The following ZNF407 variants were observed in gnomAD, a reference collection of about 807,000 sequenced individuals.
ZNF407 encodes the protein zinc finger protein 407.
A neutral mutation model predicts 131.2 loss-of-function variants in ZNF407; 17 were observed. The ratio of observed to expected loss-of-function variants is 0.13; its 90% confidence interval spans 0.09 to 0.19. The LOEUF is 0.19. Among genes scored for constraint, ZNF407 ranks in the 10% least tolerant of loss-of-function variants. The probability of loss-of-function intolerance (pLI) is 1.00; values close to 1 mark genes in which losing one functional copy is unlikely to be tolerated. For missense variants in ZNF407, 2,681 were observed against 2,830.6 expected (o/e 0.95, Z 1.20); for synonymous variants, 1,156 against 1,062.0 (o/e 1.09, Z -1.72).
intron 8 of ZNF407, among the ~76,000 whole-genome samples, chr18:74,955,557 C>T (rs1215817109): frequency 6.6e-6 from 1 of 152,056 alleles, no homozygotes; most frequent in Non-Finnish European, 1.5e-5. Flanking sequence ...TGTCTTTACT[C>T]CAAAGCAAGT....
intron 8 of ZNF407, among the ~76,000 whole-genome samples, chr18:74,997,742 TG>T (rs1176649706): frequency 3.9e-5 from 6 of 152,322 alleles, no homozygotes; most frequent in South Asian, 2.1e-4. Flanking sequence ...ATTTGTTTCA[TG>T]GTGAAAAGTG....
At chr18:74,643,650 A>G (rs1308362866) in intron 3 of ZNF407, among the ~76,000 whole-genome samples, 1 of 152,026 alleles carries the variant, frequency 6.6e-6, no homozygotes, top group Admixed American at 6.6e-5. Flanking sequence ...CTAATACTTT[A>G]TGGTGAAATT....
chr18:74,780,728 C>T (rs568825322), intron 3 of ZNF407, among the ~76,000 whole-genome samples: 181 of 152,130 alleles, frequency 1.2e-3, no homozygotes, highest in African/African-American at 3.9e-3. Context: ...AATCGCATGA[C>T]GTAAATAAAT....
intron 8 of ZNF407, among the ~76,000 whole-genome samples, chr18:74,924,535 GT>G (rs1227734729): frequency 6.6e-6 from 1 of 152,116 alleles, no homozygotes; most frequent in Non-Finnish European, 1.5e-5. Context: ...GATCTCTTCA[GT>G]TTTAACAATT....
intron 3 of ZNF407, among the ~76,000 whole-genome samples, chr18:74,768,441 C>G (rs1457489094): frequency 6.6e-6 from 1 of 152,158 alleles, no homozygotes; most frequent in East Asian, 1.9e-4. Context: ...GTGGAAATCC[C>G]TTTTTTGGTG....
At chr18:74,921,421 T>C (rs1009522480) in intron 8 of ZNF407, among the ~76,000 whole-genome samples, 4 of 152,156 alleles carry the variant, frequency 2.6e-5, no homozygotes, top group Non-Finnish European at 5.9e-5. Flanking sequence ...GAGGACCTCT[T>C]TGAGGAGTAA....
At chr18:74,980,967 A>G (rs1972585883) in intron 8 of ZNF407, among the ~76,000 whole-genome samples, 1 of 152,194 alleles carries the variant, frequency 6.6e-6, no homozygotes, top group Admixed American at 6.5e-5. Flanking sequence ...TTGTGATTTC[A>G]GGGTATCACA....
At chr18:75,045,101 T>G (rs1199373939) in intron 8 of ZNF407, among the ~76,000 whole-genome samples, 11 of 139,222 alleles carry the variant, frequency 7.9e-5, no homozygotes, top group East Asian at 2.1e-4. Flanking sequence ...GTGGGTGGGG[T>G]GTGTGTGCTT....
At chr18:74,736,314 A>T (rs949835283) in intron 3 of ZNF407, among the ~76,000 whole-genome samples, 2 of 152,182 alleles carry the variant, frequency 1.3e-5, no homozygotes, top group African/African-American at 4.8e-5. Context: ...TAAAGATAGG[A>T]TTAGAATAAT....
chr18:74,856,325 A>G (rs17055756), intron 4 of ZNF407, among the ~76,000 whole-genome samples: 19,496 of 152,304 alleles, frequency 0.13, 1,333 homozygotes, highest in Middle Eastern at 0.26. Context: ...CTCGGCCCCA[A>G]TTCAAATTAA....
chr18:74,890,144 A>G, intron 7 of ZNF407, 106 bp downstream of exon 7: 1 of 1,268,570 alleles, frequency 7.9e-7, no homozygotes, highest in Non-Finnish European at 1.0e-6. Flanking sequence ...CCATGAGTTC[A>G]TATATTCGGT....
chr18:74,727,138 CT>C (rs1296132902), intron 3 of ZNF407, among the ~76,000 whole-genome samples: 2 of 152,120 alleles, frequency 1.3e-5, no homozygotes, highest in Non-Finnish European at 2.9e-5. Context: ...TTTTGATTTT[CT>C]TGATAGAACA....
chr18:75,043,969 C>A (rs1276412767), intron 8 of ZNF407, among the ~76,000 whole-genome samples: 1 of 152,086 alleles, frequency 6.6e-6, no homozygotes, highest in Non-Finnish European at 1.5e-5. Flanking sequence ...AGCTGCTGAG[C>A]AATTATGAAT....
rs147075728 is a variant in ZNF407 at position 74,914,664 on chromosome 18, A to G, written c.5250-5850A>G. 2.0e-5 allele frequency among the ~76,000 whole-genome samples: 3 copies of G among 152,304 alleles called. No individual in the cohort carries two copies. In the East Asian group the frequency reaches 5.8e-4, roughly 29 times the overall value. On this transcript the variant is annotated intron_variant, in intron 7 of 8. Transcript: ENST00000299687. ...CTCAGAGTTGAGGTACTTTCCTGAG[A>G]TCACAGAAACATTCTGCAGGTGCTG...
intron 1 of ZNF407, among the ~76,000 whole-genome samples, chr18:74,624,119 G>A (rs1014610943): frequency 6.6e-6 from 1 of 152,168 alleles, no homozygotes; most frequent in Non-Finnish European, 1.5e-5. Context: ...AGGAGATCAC[G>A]CCTTCCTCTG....
intron 8 of ZNF407, among the ~76,000 whole-genome samples, chr18:74,940,691 T>A (rs1972087565): frequency 6.6e-6 from 1 of 152,084 alleles, no homozygotes; most frequent in Non-Finnish European, 1.5e-5. Flanking sequence ...AACACTGAAG[T>A]CATAAATCCT....
intron 3 of ZNF407, among the ~76,000 whole-genome samples, chr18:74,712,436 TAG>T (rs372938349): frequency 6.6e-6 from 1 of 152,252 alleles, no homozygotes; most frequent in African/African-American, 2.4e-5. Context: ...GGCTGTGGTT[TAG>T]TGTGTGGAAG....
At chr18:74,600,932 G>A (rs1029312706) in intron 1 of ZNF407, among the ~76,000 whole-genome samples, 1 of 152,212 alleles carries the variant, frequency 6.6e-6, no homozygotes, top group African/African-American at 2.4e-5. Context: ...TTGGCATGGT[G>A]TAAGGCTAGG....
intron 2 of ZNF407, among the ~76,000 whole-genome samples, chr18:74,640,481 T>G (rs1984663407): frequency 6.6e-6 from 1 of 152,168 alleles, no homozygotes; most frequent in South Asian, 2.1e-4. Context: ...ATATAGATAA[T>G]AATTTGGGAC....
Sources: gnomAD v4.1 joint callset for allele counts (sites outside exome capture counted in the v4.1 genomes callset) on GRCh38, gnomAD v4.1.1 for gene constraint, MANE v1.5 for transcripts, NCBI Gene and HGNC (gene_info 2026-07-23, HGNC 2026-07-21) for gene names.